The following USP47 variants were observed in gnomAD, a reference collection of about 807,000 sequenced individuals.
USP47 encodes ubiquitin specific peptidase 47.
A neutral mutation model predicts 165.1 loss-of-function variants in USP47; 35 were observed. The observed-to-expected ratio is 0.21, with a 90% confidence interval of 0.16 to 0.28. The LOEUF (loss-of-function observed/expected upper bound fraction) is 0.28. Ranked by LOEUF, USP47 falls within the 10% of genes least tolerant of loss-of-function variation. The probability of loss-of-function intolerance (pLI) is 1.00; values close to 1 mark genes in which losing one functional copy is unlikely to be tolerated. For missense variants in USP47, 1,277 were observed against 1,607.4 expected (o/e 0.79, Z 3.52); for synonymous variants, 531 against 544.5 (o/e 0.98, Z 0.35).
chr11:11,934,040 C>T (rs1854877206), intron 16 of USP47, 105 bp downstream of exon 16: 3 of 776,334 alleles, frequency 3.9e-6, no homozygotes, highest in Admixed American at 2.5e-5. Flanking sequence ...CTGGCAGTAA[C>T]CTTGGTAACT....
intron 7 of USP47, 48 bp downstream of exon 7, chr11:11,903,390 T>G (rs776457281): frequency 6.5e-7 from 1 of 1,539,984 alleles, no homozygotes; most frequent in Non-Finnish European, 8.9e-7. Context: ...AATAAATCAC[T>G]TGTTACCCTA....
chr11:11,855,132 A>T (rs567291775), intron 1 of USP47, among the ~76,000 whole-genome samples: 1 of 152,258 alleles, frequency 6.6e-6, no homozygotes, highest in African/African-American at 2.4e-5. Flanking sequence ...TGGAACACAT[A>T]ACAAAGTGAA....
chr11:11,923,041 CATATATAT>C (rs56976706), intron 11 of USP47, 150 bp downstream of exon 11: 2,525 of 139,844 alleles, frequency 0.018, 65 homozygotes, highest in African/African-American at 0.067. Flanking sequence ...TTTTTTTGTA[CATATATAT>C]ATATATATAT....
At chr11:11,925,751 G>A (rs1854194374) in intron 11 of USP47, among the ~76,000 whole-genome samples, 1 of 151,300 alleles carries the variant, frequency 6.6e-6, no homozygotes, top group Admixed American at 6.6e-5. Flanking sequence ...TTGCCTGATT[G>A]CTGTGGCTAG....
At chr11:11,907,544 T>C (rs1017064694) in intron 8 of USP47, among the ~76,000 whole-genome samples, 1 of 152,162 alleles carries the variant, frequency 6.6e-6, no homozygotes, top group African/African-American at 2.4e-5. Context: ...TCCACAAATA[T>C]CATCATACAG....
chr11:11,860,091 GA>G lies in USP47; in HGVS notation c.39+17879del, dbSNP rs71037045. 7.1e-4 allele frequency among the ~76,000 whole-genome samples: 98 copies of G among 137,554 alleles called. 1 individual carries two copies. Among genetic ancestry groups the G allele is most frequent in the African/African-American group, 1.2e-3 (44 of 37,178 alleles). 90.2% of individuals were successfully genotyped at this position (137,554 alleles called of 152,430 possible). A position where few individuals can be genotyped will look rare whatever the true frequency, so the allele number is the denominator to read the frequency against. On this transcript the variant is annotated intron_variant, in intron 1 of 27. Coordinates refer to ENST00000527733, the MANE Select transcript of USP47 (RefSeq NM_001282659.2). ...TGCACTCCAGCCTGGGCAACAGAAGGAAAAAAAAAAAAGAAAAACTGAGTGG... is the reference window on the plus strand; with the variant it reads ...TGCACTCCAGCCTGGGCAACAGAAGGAAAAAAAAAAAGAAAAACTGAGTGG...
At position 11,942,401 on chromosome 11, in the gene USP47, C is replaced by T. The variant is rs746451691; in HGVS notation, c.2380C>T (p.Leu794Phe). The T allele has an allele frequency of 6.2e-7, 1 of 1,613,376 alleles. No homozygotes were observed. The highest frequency in any genetic ancestry group is 8.5e-7 in the Non-Finnish European group (1 of 1,179,582). ...CTTTGCAGACTCTCATTTATGGAAA[C>T]TCCTGGATCGGCATGCAAATACAAT... ...MAFADSHLWK[L>F]LDRHANTIRL... Residue 794 changes from leucine (L) to phenylalanine (F), a missense_variant, in exon 20 of 28, where the codon CTC becomes TTC. Coordinates refer to ENST00000527733, the MANE Select transcript of USP47 (RefSeq NM_001282659.2).
At chr11:11,855,924 A>T (rs1162919657) in intron 1 of USP47, among the ~76,000 whole-genome samples, 2 of 152,184 alleles carry the variant, frequency 1.3e-5, no homozygotes, top group Admixed American at 1.3e-4. Context: ...TGACCAGACA[A>T]ATATATAATG....
At chr11:11,951,081 G>A (rs1001059885) in intron 24 of USP47, 1 of 152,296 alleles carries the variant, frequency 6.6e-6, no homozygotes, top group African/African-American at 2.4e-5. Flanking sequence ...TGAGTGCTGT[G>A]GGGGAGAATC....
intron 8 of USP47, among the ~76,000 whole-genome samples, chr11:11,917,263 C>A (rs776170712): frequency 6.6e-6 from 1 of 152,050 alleles, no homozygotes; most frequent in Non-Finnish European, 1.5e-5. Context: ...GATTTGATAG[C>A]CAGGCAAGTG....
intron 7 of USP47, 116 bp downstream of exon 7, chr11:11,903,458 G>A: frequency 4.5e-6 from 4 of 880,130 alleles, no homozygotes; most frequent in Middle Eastern, 2.3e-4. Context: ...CATGGTTAAA[G>A]TACCCAATGG....
chr11:11,893,978 T>C (rs1262848438), intron 4 of USP47, among the ~76,000 whole-genome samples: 1 of 152,228 alleles, frequency 6.6e-6, no homozygotes, highest in African/African-American at 2.4e-5. Context: ...TGATTATGTT[T>C]GGTATTTAGG....
Position 11,936,367 on chromosome 11 carries a change from A to G in USP47, c.1934A>G (p.His645Arg). The G allele has an allele frequency of 6.2e-7, 1 of 1,609,430 alleles. No homozygotes were observed. The highest frequency in any genetic ancestry group is 8.5e-7 in the Non-Finnish European group (1 of 1,176,992). ...CGCCTTGTTAAATATGATGAGTTTC[A>G]TGATTATCTAGAACGGTCATATGAA... ...CCRLVKYDEF[H>R]DYLERSYEGE... The change falls in exon 17 of 28, where the codon CAT (histidine) becomes CGT (arginine). Residue 645 changes from histidine to arginine, a missense_variant. Coordinates refer to ENST00000527733, the MANE Select transcript of USP47 (RefSeq NM_001282659.2).
intron 5 of USP47, among the ~76,000 whole-genome samples, chr11:11,900,601 C>T (rs1010863204): frequency 2.0e-5 from 3 of 152,198 alleles, no homozygotes; most frequent in Admixed American, 6.5e-5. Flanking sequence ...TAGAGAACCC[C>T]GGAGGAATCT....
chr11:11,856,971 G>A (rs905336267), intron 1 of USP47: 2 of 152,192 alleles, frequency 1.3e-5, no homozygotes, highest in African/African-American at 4.8e-5. Flanking sequence ...GTTGGTGGCA[G>A]TCACAGTGCA....
At chr11:11,939,892 G>T (rs917430405) in intron 18 of USP47, among the ~76,000 whole-genome samples, 2 of 151,930 alleles carry the variant, frequency 1.3e-5, no homozygotes, top group Non-Finnish European at 2.9e-5. Context: ...ATTTTTATCT[G>T]CTGCTTTCAT....
chr11:11,851,516 A>G (rs2134140688), intron 1 of USP47, among the ~76,000 whole-genome samples: 1 of 152,270 alleles, frequency 6.6e-6, no homozygotes, highest in African/African-American at 2.4e-5. Context: ...AAAGAGTACA[A>G]AGTTTCCGTA....
At chr11:11,848,277 T>G (rs1027468577) in intron 1 of USP47, among the ~76,000 whole-genome samples, 1 of 152,218 alleles carries the variant, frequency 6.6e-6, no homozygotes, top group Non-Finnish European at 1.5e-5. Flanking sequence ...CAAACCTAGA[T>G]GGTTTAGCCT....
chr11:11,917,675 G>C (rs1215860736), intron 8 of USP47, among the ~76,000 whole-genome samples: 1 of 151,718 alleles, frequency 6.6e-6, no homozygotes, highest in Admixed American at 6.6e-5. Context: ...AGAGGTCCAA[G>C]GACACTAACA....
Sources: gnomAD v4.1 joint callset for allele counts (sites outside exome capture counted in the v4.1 genomes callset) on GRCh38, gnomAD v4.1.1 for gene constraint, MANE v1.5 for transcripts, NCBI Gene and HGNC (gene_info 2026-07-23, HGNC 2026-07-21) for gene names.